Variants in TMEM68 observed in about 807,000 individuals in gnomAD.
TMEM68 encodes the protein DGAT1/2-independent enzyme synthesizing storage lipids.
TMEM68 carries 25 observed loss-of-function variants against 36.9 expected under a neutral mutation model. That is an observed-to-expected ratio of 0.68 (90% CI 0.49 to 0.95). The LOEUF is 0.95. Ranked by LOEUF, TMEM68 falls within the 40% of genes least tolerant of loss-of-function variation. TMEM68 has a pLI of 0.00. For synonymous variants in TMEM68, 131 were observed against 124.4 expected (o/e 1.05, Z -0.35); for missense variants, 333 against 392.0 (o/e 0.85, Z 1.27).
At position 55,754,416 on chromosome 8, in the gene TMEM68, C is replaced by T. The variant is rs562669987; in HGVS notation, c.493+1828G>A. On this transcript the variant is annotated intron_variant, in intron 4 of 7. Coordinates refer to ENST00000434581, the MANE Select transcript of TMEM68 (RefSeq NM_001286657.2). ...CGAGATTATGCCACTGCACTCTAGC[C>T]CAGGTGACAGAGCAAGACTCTGTCT... Among the ~76,000 whole-genome samples, 30 of 135,468 alleles carry T rather than the reference C, an allele frequency of 2.2e-4. 2 individuals are homozygous for T. In the South Asian group the frequency reaches 6.8e-3, roughly 31 times the overall value. The allele number at this position is 135,468 out of a possible 152,430, so 88.9% of individuals were successfully genotyped here.
chr8:55,760,425 G>A (rs1037520161), intron 3 of TMEM68, among the ~76,000 whole-genome samples: 4 of 152,174 alleles, frequency 2.6e-5, no homozygotes, highest in African/African-American at 4.8e-5. Context: ...AAGAAAAAGC[G>A]TGAAAAAGAA....
At chr8:55,754,841 AAT>A (rs1218350055) in intron 4 of TMEM68, among the ~76,000 whole-genome samples, 2 of 134,424 alleles carry the variant, frequency 1.5e-5, no homozygotes, top group Non-Finnish European at 3.1e-5. Flanking sequence ...TATATTATGT[AAT>A]ATATATTTAT....
At chr8:55,773,150 C>G (rs1811245826) in intron 1 of TMEM68, 119 bp downstream of exon 1, 1 of 152,376 alleles carries the variant, frequency 6.6e-6, no homozygotes, top group African/African-American at 2.4e-5. Flanking sequence ...CCTGGGAGAC[C>G]GGACGCGCGC....
chr8:55,740,218 T>A lies in TMEM68; in HGVS notation c.889A>T (p.Thr297Ser). ...ATCAAAGCTTGAACAGCATTCTTCG[T>A]CTATTAAGAAAACAAAAGAAAAGCT... ...QITAEELAEK[T>S]KNAVQALIDK... is the part of the protein sequence containing the mutation. Residue 297 changes from threonine to serine, a missense_variant and splice_region_variant, in exon 8 of 8, where the codon ACG (threonine) becomes TCG (serine). Coordinates refer to ENST00000434581, the MANE Select transcript of TMEM68 (RefSeq NM_001286657.2). 1 of 1,611,710 alleles carries A rather than the reference T, an allele frequency of 6.2e-7. No homozygotes were observed. The highest frequency in any genetic ancestry group is 8.5e-7 in the Non-Finnish European group (1 of 1,178,916).
rs534545197 is a variant in TMEM68 at position 55,766,002 on chromosome 8, G to C, written c.-114-2022C>G. Among the ~76,000 whole-genome samples the C allele has an allele frequency of 2.6e-5, 4 of 152,292 alleles. No individual in the cohort carries two copies. In the South Asian group the frequency reaches 8.3e-4, roughly 32 times the overall value. On this transcript the variant is annotated intron_variant, in intron 1 of 7. Transcript: ENST00000434581. ...AACCTCAAGTGACTTACATCCTAGA[G>C]GGGGAAGATAGACAGTAAACAAAGA... is the stretch of plus-strand genomic sequence containing the variant.
intron 4 of TMEM68, among the ~76,000 whole-genome samples, chr8:55,755,915 ATT>A (rs1027793144): frequency 6.6e-6 from 1 of 151,778 alleles, no homozygotes; most frequent in Non-Finnish European, 1.5e-5. Context: ...ATAAAAATAT[ATT>A]TTTTTAAAAA....
chr8:55,750,141 ATT>A (rs1270869420), intron 5 of TMEM68, among the ~76,000 whole-genome samples: 14 of 152,148 alleles, frequency 9.2e-5, no homozygotes, highest in African/African-American at 2.7e-4. Flanking sequence ...AGTTTTTATC[ATT>A]GTTTTCATAT....
At chr8:55,753,347 C>T (rs1810474901) in intron 4 of TMEM68, among the ~76,000 whole-genome samples, 1 of 151,620 alleles carries the variant, frequency 6.6e-6, no homozygotes, top group Admixed American at 6.6e-5. Context: ...AAAAAAAACC[C>T]CACAAAACTG....
intron 5 of TMEM68, chr8:55,746,951 A>C (rs1438773386): frequency 6.6e-6 from 1 of 152,270 alleles, no homozygotes; most frequent in Non-Finnish European, 1.5e-5. Context: ...GAGTAAACAG[A>C]GCAAAGAGAC....
At chr8:55,762,420 GTTCT>G (rs1810822234) in intron 3 of TMEM68, 1 of 795,342 alleles carries the variant, frequency 1.3e-6, no homozygotes, top group Non-Finnish European at 1.9e-6. Context: ...GTGCTGCGTG[GTTCT>G]TTGTTTAATG....
intron 5 of TMEM68, chr8:55,747,376 T>G (rs1282245901): frequency 6.6e-6 from 1 of 151,882 alleles, no homozygotes; most frequent in African/African-American, 2.4e-5. Context: ...AAATTAAAAG[T>G]AAAAAAGAGC....
At chr8:55,753,480 A>G (rs1810479438) in intron 4 of TMEM68, among the ~76,000 whole-genome samples, 1 of 152,238 alleles carries the variant, frequency 6.6e-6, no homozygotes, top group African/African-American at 2.4e-5. Flanking sequence ...TATAGTGATC[A>G]TGTTAGTTTT....
rs1030877353 is a variant in TMEM68, at chr8:55,763,035, G to A, written c.-69-7C>T. 9.1e-6 allele frequency: 13 copies of A among 1,435,868 alleles called. No homozygotes were observed. The highest frequency in any genetic ancestry group is 1.9e-4 in the Middle Eastern group (1 of 5,384). 88.9% of individuals were successfully genotyped at this position (1,435,868 alleles called of 1,614,324 possible). On this transcript the variant is annotated splice_polypyrimidine_tract_variant and splice_region_variant and intron_variant, in intron 2 of 7. Coordinates refer to ENST00000434581, the MANE Select transcript of TMEM68 (RefSeq NM_001286657.2). ...CAGGTCGCTAATTTTGACACTAGAA[G>A]GGAAAAATAATCCAGTATTATTTTC...
At chr8:55,769,549 A>T (rs917381495) in intron 1 of TMEM68, among the ~76,000 whole-genome samples, 2 of 152,156 alleles carry the variant, frequency 1.3e-5, no homozygotes, top group Non-Finnish European at 2.9e-5. Context: ...GTTATCTAAG[A>T]AAACATACGA....
intron 4 of TMEM68, among the ~76,000 whole-genome samples, chr8:55,754,695 G>A (rs9721011): frequency 0.86 from 98,797 of 114,474 alleles, 42,651 homozygotes; most frequent in East Asian, 0.98. Context: ...TATTATATAT[G>A]AAATACATAC....
At chr8:55,760,477 T>C (rs1810749317) in intron 3 of TMEM68, among the ~76,000 whole-genome samples, 1 of 152,232 alleles carries the variant, frequency 6.6e-6, no homozygotes, top group South Asian at 2.1e-4. Context: ...AAGTAAGTTC[T>C]TAGGGCCATA....
chr8:55,744,426 C>A (rs1001237532), intron 6 of TMEM68, among the ~76,000 whole-genome samples: 24 of 123,600 alleles, frequency 1.9e-4, no homozygotes, highest in Non-Finnish European at 3.8e-4. Context: ...CTGCCTCAGC[C>A]TCCTGAGTAG....
intron 6 of TMEM68, 40 bp from the exon 7 acceptor site, chr8:55,743,660 A>G: frequency 6.6e-7 from 1 of 1,504,914 alleles, no homozygotes; most frequent in Non-Finnish European, 8.9e-7. Flanking sequence ...CTTGTTAAGT[A>G]TTCTGACCAT....
intron 4 of TMEM68, among the ~76,000 whole-genome samples, chr8:55,754,906 TTATA>T (rs1477273703): frequency 8.9e-6 from 1 of 112,426 alleles, no homozygotes; most frequent in Non-Finnish European, 1.6e-5. Context: ...AATACATATA[TTATA>T]TATTATATAT....
Sources: allele counts gnomAD v4.1 joint callset (sites outside exome capture counted in the v4.1 genomes callset), GRCh38; gene constraint gnomAD v4.1.1; transcripts MANE v1.5; gene names NCBI Gene and HGNC (gene_info 2026-07-23, HGNC 2026-07-21).